CLEC2A: variants seen among roughly 807,000 people sequenced by gnomAD.
The protein encoded by CLEC2A is keratinocyte-associated C-type lectin.
CLEC2A carries 19 observed loss-of-function variants against 18.6 expected under a neutral mutation model. That is an observed-to-expected ratio of 1.02 (90% CI 0.71 to 1.50). The LOEUF (loss-of-function observed/expected upper bound fraction) is 1.50, where lower values mean the gene tolerates loss of function less well. CLEC2A is among the 40% of genes most tolerant of loss of function. The probability of loss-of-function intolerance (pLI) is 0.00; values close to 1 mark genes in which losing one functional copy is unlikely to be tolerated. For missense variants in CLEC2A, 190 were observed against 207.9 expected (o/e 0.91, Z 0.53); for synonymous variants, 74 against 64.0 (o/e 1.16, Z -0.75).
At chr12:9,893,135 A>G in the CLEC2A span, 2 of 1,534,156 alleles carry the variant, frequency 1.3e-6, no homozygotes, top group African/African-American at 2.7e-5. Context: ...AGCTACAGGC[A>G]CATTTACTGG....
chr12:9,882,489 T>C, the CLEC2A span, among the ~76,000 whole-genome samples: 1 of 152,122 alleles, frequency 6.6e-6, no homozygotes, highest in Non-Finnish European at 1.5e-5. Context: ...TTAAATTGAC[T>C]GAGGCAGACC....
At chr12:9,899,108 A>G (rs1447001542) in intron 4 of CLEC2A, 2 of 530,020 alleles carry the variant, frequency 3.8e-6, no homozygotes, top group Non-Finnish European at 6.9e-6. Flanking sequence ...GGCAGGCGAA[A>G]AGCCCTACTA....
chr12:9,905,278 C>G lies in CLEC2A; in HGVS notation c.411-6302G>C, dbSNP rs200147710. Among the ~76,000 whole-genome samples the G allele has an allele frequency of 3.3e-5, 5 of 152,254 alleles. No homozygotes were observed. The East Asian group carries it at 9.7e-4, about 29-fold the overall frequency. ...GCGGTGCTTTCTATAATCAGGAGCA[C>G]TAGGTAGGGTCCTTCCTAAGCTGGT... On this transcript the variant is annotated intron_variant, in intron 4 of 4. Transcript: ENST00000339766.
downstream of CLEC2A, among the ~76,000 whole-genome samples, chr12:9,894,875 T>C (rs1862739299): frequency 6.6e-6 from 1 of 152,094 alleles, no homozygotes; most frequent in Non-Finnish European, 1.5e-5. Flanking sequence ...ATTTTTTACT[T>C]TTTTGGAAAC....
chr12:9,924,427 G>C (rs1303186318), intron 2 of CLEC2A, among the ~76,000 whole-genome samples: 1 of 151,968 alleles, frequency 6.6e-6, no homozygotes, highest in Non-Finnish European at 1.5e-5. Flanking sequence ...CAGTATTCTT[G>C]AGAATGACCG....
rs1036990275 is a variant in CLEC2A, at chr12:9,922,173, C to T, written c.199G>A (p.Asp67Asn). 4.5e-6 allele frequency: 7 copies of T among 1,551,078 alleles called. No homozygotes were observed. The African/African-American group carries it at 8.2e-5, about 18-fold the overall frequency. The change falls in exon 3 of 5, where the codon GAT becomes AAT. Residue 67 changes from aspartate to asparagine, a missense_variant. By Grantham distance (23) the Asp-to-Asn change is conservative. Coordinates refer to ENST00000455827, the MANE Select transcript of CLEC2A (RefSeq NM_001130711.2). Reference sequence around the variant, plus strand: ...TCATCAGAAAAATAGAAACACTTATCTCTCACTCCAAGCCAGTCCCCTGAA... The same window carrying T: ...TCATCAGAAAAATAGAAACACTTATTTCTCACTCCAAGCCAGTCCCCTGAA... ...ACSGDWLGVR[D>N]KCFYFSDDTR...
chr12:9,900,378 A>T (rs923053192), intron 4 of CLEC2A, among the ~76,000 whole-genome samples: 1 of 152,192 alleles, frequency 6.6e-6, no homozygotes, highest in Non-Finnish European at 1.5e-5. Flanking sequence ...ACAAATGTAT[A>T]AGCTTTGAAA....
the CLEC2A span, among the ~76,000 whole-genome samples, chr12:9,884,493 T>C: frequency 1.3e-5 from 2 of 151,122 alleles, no homozygotes; most frequent in Admixed American, 6.6e-5. Flanking sequence ...GTCACTAAAT[T>C]GAATAACACA....
chr12:9,896,652 C>A (rs1862759423), downstream of CLEC2A, among the ~76,000 whole-genome samples: 1 of 151,916 alleles, frequency 6.6e-6, no homozygotes, highest in African/African-American at 2.4e-5. Flanking sequence ...TGTCTTTATT[C>A]TTTAAAGCTT....
At chr12:9,928,555 T>C (rs897084878) in intron 1 of CLEC2A, among the ~76,000 whole-genome samples, 3 of 152,146 alleles carry the variant, frequency 2.0e-5, no homozygotes, top group Admixed American at 2.0e-4. Flanking sequence ...GTTGTGAATA[T>C]AAATATGCAA....
At chr12:9,929,013 C>T (rs1025291337) in intron 1 of CLEC2A, among the ~76,000 whole-genome samples, 3 of 151,912 alleles carry the variant, frequency 2.0e-5, no homozygotes, top group Non-Finnish European at 4.4e-5. Context: ...GAAGTCATCC[C>T]TACTGTTCTC....
At position 9,920,659 on chromosome 12, in the gene CLEC2A, T is replaced by C. The variant is rs1459931818; in HGVS notation, c.306+1407A>G. On this transcript the variant is annotated intron_variant, in intron 3 of 4. Transcript: ENST00000455827. ...TTTACTCACCCCTTCAGTTCCTCTC[T>C]TTGAGAGCTGCGCACTCCAGCTACT... Among the ~76,000 whole-genome samples, 3 of 152,326 alleles carry C rather than the reference T, an allele frequency of 2.0e-5. 1 individual carries two copies. The Middle Eastern group carries it at 0.01, about 518-fold the overall frequency.
chr12:9,903,598 C>T (rs748730824), intron 4 of CLEC2A, among the ~76,000 whole-genome samples: 4 of 152,150 alleles, frequency 2.6e-5, no homozygotes, highest in African/African-American at 4.8e-5. Context: ...CAGACCTCAC[C>T]CTTATCTGCT....
chr12:9,916,554 G>A, intron 4 of CLEC2A, 146 bp downstream of exon 4: 1 of 602,738 alleles, frequency 1.7e-6, no homozygotes, highest in Non-Finnish European at 3.0e-6. Context: ...CAATGTGAAA[G>A]GGCATATGTC....
In CLEC2A at chr12:9,907,487, C is replaced by T. The variant is rs115422105; in HGVS notation, c.411-8511G>A. 4.9e-3 allele frequency among the ~76,000 whole-genome samples: 748 copies of T among 152,206 alleles called. 9 individuals carry two copies. The highest frequency in any genetic ancestry group is 0.017 in the African/African-American group (712 of 41,532). On this transcript the variant is annotated intron_variant, in intron 4 of 4. Coordinates refer to the CLEC2A transcript ENST00000339766. ...AAGGATCTGATTCCTTCTACTTGTT[C>T]GGGTCCCATCCTTCATTTGCCTTTA...
intron 4 of CLEC2A, among the ~76,000 whole-genome samples, chr12:9,915,704 G>A (rs1455384170): frequency 6.6e-6 from 1 of 152,102 alleles, no homozygotes; most frequent in Non-Finnish European, 1.5e-5. Flanking sequence ...GGGCAGTAGG[G>A]GGTGGGAGAA....
At chr12:9,917,746 C>T (rs1485509058) in intron 3 of CLEC2A, among the ~76,000 whole-genome samples, 1 of 152,238 alleles carries the variant, frequency 6.6e-6, no homozygotes, top group African/African-American at 2.4e-5. Flanking sequence ...GTTCTTTTCT[C>T]TACAACCTTG....
intron 4 of CLEC2A, among the ~76,000 whole-genome samples, chr12:9,915,866 A>G (rs1863062579): frequency 6.6e-6 from 1 of 152,194 alleles, no homozygotes; most frequent in Admixed American, 6.5e-5. Context: ...CTTACAGTAA[A>G]ATAAAAATAT....
downstream of CLEC2A, among the ~76,000 whole-genome samples, chr12:9,909,775 A>G (rs2137026848): frequency 1.3e-5 from 2 of 152,188 alleles, no homozygotes; most frequent in East Asian, 3.9e-4. Context: ...ATGGGATGAT[A>G]ATTCCCAAGA....
Sources: gnomAD v4.1 joint callset for allele counts (sites outside exome capture counted in the v4.1 genomes callset) on GRCh38, gnomAD v4.1.1 for gene constraint, MANE v1.5 for transcripts, NCBI Gene and HGNC (gene_info 2026-07-23, HGNC 2026-07-21) for gene names.